The following BYSL variants were observed in gnomAD, a reference collection of about 807,000 sequenced individuals.
The protein encoded by BYSL is bystin like, also known as bystin.
BYSL carries 21 observed loss-of-function variants against 45.4 expected under a neutral mutation model. The ratio of observed to expected loss-of-function variants is 0.46; its 90% confidence interval spans 0.33 to 0.67. The LOEUF (loss-of-function observed/expected upper bound fraction) is 0.67. Among genes scored for constraint, BYSL ranks in the 30% least tolerant of loss-of-function variants. BYSL has a pLI of 0.02. For missense variants in BYSL, 522 were observed against 578.5 expected (o/e 0.90, Z 1.00); for synonymous variants, 215 against 231.3 (o/e 0.93, Z 0.64).
chr6:41,930,912 T>C, intron 4 of BYSL, 144 bp downstream of exon 4: 1 of 1,228,184 alleles, frequency 8.1e-7, no homozygotes, highest in Non-Finnish European at 1.1e-6. Flanking sequence ...ATCATTTTTC[T>C]AGCTTTTCCT....
upstream of BYSL, among the ~76,000 whole-genome samples, chr6:41,918,953 C>CAA (rs36153208): frequency 0.015 from 1,136 of 76,144 alleles, 54 homozygotes; most frequent in African/African-American, 0.041. Flanking sequence ...GACTCCGTCT[C>CAA]AAAAAAAAAA....
At chr6:41,924,633 G>A (rs1478617406) in intron 1 of BYSL, among the ~76,000 whole-genome samples, 1 of 152,212 alleles carries the variant, frequency 6.6e-6, no homozygotes, top group African/African-American at 2.4e-5. Context: ...GGTCAGGTAG[G>A]TGGGAGCCAA....
upstream of BYSL, among the ~76,000 whole-genome samples, chr6:41,918,990 A>G (rs1342826461): frequency 1.5e-5 from 2 of 130,956 alleles, no homozygotes; most frequent in Non-Finnish European, 3.3e-5. Flanking sequence ...TTAGCCAGGC[A>G]TGGTGGTGGG....
At chr6:41,925,613 T>G (rs1775552815) in intron 1 of BYSL, among the ~76,000 whole-genome samples, 2 of 152,188 alleles carry the variant, frequency 1.3e-5, no homozygotes, top group African/African-American at 4.8e-5. Context: ...TCCGCCCGCC[T>G]TGGCCTCTCT....
chr6:41,926,042 A>G (rs1775559817), intron 1 of BYSL, among the ~76,000 whole-genome samples: 1 of 152,202 alleles, frequency 6.6e-6, no homozygotes. Context: ...GCCTGAATTT[A>G]AAGGCCCTCC....
intron 2 of BYSL, 114 bp downstream of exon 2, chr6:41,927,650 TG>T: frequency 7.6e-7 from 1 of 1,319,652 alleles, no homozygotes; most frequent in Non-Finnish European, 1.0e-6. Context: ...AGTTGCTAGC[TG>T]TAGGGGACCA....
the BYSL span, among the ~76,000 whole-genome samples, chr6:41,913,622 G>T: frequency 6.6e-6 from 1 of 152,178 alleles, no homozygotes; most frequent in Non-Finnish European, 1.5e-5. Context: ...ATGACAGGCT[G>T]GGTGCAGTGG....
chr6:41,916,109 G>A, the BYSL span, among the ~76,000 whole-genome samples: 2 of 151,734 alleles, frequency 1.3e-5, no homozygotes, highest in Non-Finnish European at 1.5e-5. Flanking sequence ...TTAGCCAGGC[G>A]TGGTGGCTCA....
Position 41,930,692 on chromosome 6 carries a change from C to T in BYSL, c.628C>T (p.Leu210Phe), listed in dbSNP as rs751378338. 2 of 1,614,046 alleles carry T rather than the reference C, an allele frequency of 1.2e-6. No individual in the cohort carries two copies. Among genetic ancestry groups the T allele is most frequent in the African/African-American group, 1.3e-5 (1 of 74,942 alleles). ...CAAGGCATTTAAGATCATCCCTGCACTCTCCAACTGGGAGCAAATCCTCTA... is the reference window on the plus strand; with the variant it reads ...CAAGGCATTTAAGATCATCCCTGCATTCTCCAACTGGGAGCAAATCCTCTA... ...LPKAFKIIPA[L>F]SNWEQILYVT... The change falls in exon 4 of 7, where the codon CTC becomes TTC. Residue 210 changes from leucine (L) to phenylalanine (F), a missense_variant. By Grantham distance (22) the Leu-to-Phe change is conservative. Coordinates refer to ENST00000230340, the MANE Select transcript of BYSL (RefSeq NM_004053.4).
At position 41,932,207 on chromosome 6, in the gene BYSL, A is replaced by G. The variant is rs575499793; in HGVS notation, c.969-154A>G. Among the ~76,000 whole-genome samples the G allele has an allele frequency of 6.6e-6, 1 of 152,132 alleles. No homozygotes were observed. Among genetic ancestry groups the G allele is most frequent in the East Asian group, 1.9e-4 (1 of 5,164 alleles). On this transcript the variant is annotated intron_variant, in intron 6 of 6. Transcript: ENST00000230340. The surrounding 1 kb of genome is among the most constrained non-coding windows in gnomAD (Gnocchi z 4.7). ...ATGGTGACTGAGGTCAAGGGAGTAT[A>G]ATATGATTGTGTAGGTGAGAAGGTC...
Position 41,930,247 on chromosome 6 carries a change from G to A in BYSL, c.547G>A (p.Glu183Lys), listed in dbSNP as rs182941010. 1.9e-6 allele frequency: 3 copies of A among 1,614,196 alleles called. No homozygotes were observed. The African/African-American group carries it at 4.0e-5, about 22-fold the overall frequency. ...GCCCCAGCTGGACCCCCGGGTCCTA[G>A]AAGTGTACAGGGGGGTCCGGGAGGT... ...PMPQLDPRVL[E>K]VYRGVREVLS... is the part of the protein sequence containing the mutation. Residue 183 changes from glutamate (E) to lysine (K), a missense_variant, in exon 3 of 7, where the codon GAA becomes AAA. Glu to Lys is a moderately conservative substitution (Grantham distance 56). Coordinates refer to ENST00000230340, the MANE Select transcript of BYSL (RefSeq NM_004053.4).
Sources: allele counts gnomAD v4.1 joint callset (sites outside exome capture counted in the v4.1 genomes callset), GRCh38; gene constraint gnomAD v4.1.1; non-coding constraint Gnocchi (gnomAD v3.1); transcripts MANE v1.5; gene names NCBI Gene and HGNC (gene_info 2026-07-23, HGNC 2026-07-21).